CTNNA2: variants seen among roughly 807,000 people sequenced by gnomAD.
The protein encoded by CTNNA2 is catenin alpha-2.
A neutral mutation model predicts 101.0 loss-of-function variants in CTNNA2; 42 were observed. The observed-to-expected ratio is 0.42, with a 90% CI of 0.32 to 0.54. The LOEUF (loss-of-function observed/expected upper bound fraction) is 0.54. CTNNA2 is among the 20% of genes least tolerant of loss of function. CTNNA2 has a pLI of 0.14. For synonymous variants in CTNNA2, 450 were observed against 456.4 expected, an observed-to-expected ratio of 0.99 and a Z score of 0.18; for missense variants, 871 against 1,223.1, an observed-to-expected ratio of 0.71 and a Z score of 4.29.
At chr2:80,617,546 C>T (rs903349581) in intron 17 of CTNNA2, among the ~76,000 whole-genome samples, 1 of 151,642 alleles carries the variant, frequency 6.6e-6, no homozygotes, top group African/African-American at 2.4e-5. Context: ...GGCAAAACAC[C>T]CATCTTTTTA....
intron 7 of CTNNA2, among the ~76,000 whole-genome samples, chr2:79,972,949 G>A (rs1036683961): frequency 1.3e-5 from 2 of 152,210 alleles, no homozygotes; most frequent in East Asian, 3.9e-4. Flanking sequence ...AACGTGACAA[G>A]AGTTATGATG....
chr2:79,510,698 C>G (rs149046789), upstream of CTNNA2, among the ~76,000 whole-genome samples: 123 of 152,254 alleles, frequency 8.1e-4, 2 homozygotes, highest in East Asian at 0.018. Context: ...TGAGGGAGAC[C>G]AAGGGTCTGA....
intron 3 of CTNNA2, among the ~76,000 whole-genome samples, chr2:79,799,194 TA>T (rs1366866079): frequency 1.3e-5 from 2 of 151,784 alleles, no homozygotes; most frequent in Non-Finnish European, 2.9e-5. Context: ...TTTTTTTTTT[TA>T]ATCTCTGCCA....
Position 79,555,189 on chromosome 2 carries a change from T to G in CTNNA2, c.-6+41982T>G, listed in dbSNP as rs529062034. Among the ~76,000 whole-genome samples, 28 of 152,288 alleles carry G rather than the reference T, an allele frequency of 1.8e-4. 1 individual carries two copies. The South Asian group carries it at 4.1e-3, about 23-fold the overall frequency. ...AGGATTCCTAGGTGACAAAAAACTG[T>G]TCTATCACTTTTCTCTTTCTTGGCA... On this transcript the variant is annotated intron_variant, in intron 1 of 18. Coordinates refer to ENST00000402739, the MANE Select transcript of CTNNA2 (RefSeq NM_001282597.3).
chr2:79,755,844 G>A (rs1672362390), intron 3 of CTNNA2, among the ~76,000 whole-genome samples: 1 of 152,094 alleles, frequency 6.6e-6, no homozygotes. Flanking sequence ...AACATCAGAA[G>A]TTTAAAAAAT....
At chr2:80,459,251 C>T (rs1231402283) in intron 9 of CTNNA2, among the ~76,000 whole-genome samples, 1 of 152,066 alleles carries the variant, frequency 6.6e-6, no homozygotes, top group Non-Finnish European at 1.5e-5. Flanking sequence ...TTTAATTGGT[C>T]TGGGAGGAGT....
chr2:80,040,534 C>T (rs1289972199), intron 7 of CTNNA2, among the ~76,000 whole-genome samples: 1 of 152,136 alleles, frequency 6.6e-6, no homozygotes, highest in Non-Finnish European at 1.5e-5. Context: ...TTCACCTTCA[C>T]CATTATTCAA....
chr2:79,424,745 C>T (rs1277160363), intron 4 of CTNNA2, among the ~76,000 whole-genome samples: 1 of 152,048 alleles, frequency 6.6e-6, no homozygotes, highest in African/African-American at 2.4e-5. Context: ...GTTCTTTAAG[C>T]TTCTGATCCA....
chr2:79,873,973 T>A, intron 5 of CTNNA2, 103 bp from the exon 6 acceptor site: 1 of 1,496,776 alleles, frequency 6.7e-7, no homozygotes, highest in Non-Finnish European at 8.9e-7. Flanking sequence ...CAAGGGTTTC[T>A]GAAGTTCAGT....
chr2:79,721,620 T>A (rs192280837), intron 2 of CTNNA2, among the ~76,000 whole-genome samples: 1 of 152,328 alleles, frequency 6.6e-6, no homozygotes, highest in East Asian at 1.9e-4. Flanking sequence ...TGGTATTATC[T>A]ATGCACAAAC....
chr2:79,676,881 T>G (rs1198585504), intron 2 of CTNNA2, among the ~76,000 whole-genome samples: 1 of 152,138 alleles, frequency 6.6e-6, no homozygotes, highest in Non-Finnish European at 1.5e-5. Flanking sequence ...CCCTAGAGCT[T>G]TGCTTAGAAA....
At chr2:79,239,188 G>A (rs1674592948) in intron 2 of CTNNA2, among the ~76,000 whole-genome samples, 1 of 151,982 alleles carries the variant, frequency 6.6e-6, no homozygotes, top group South Asian at 2.1e-4. Flanking sequence ...GAAAGCTGGA[G>A]GCATCATGCT....
intron 4 of CTNNA2, among the ~76,000 whole-genome samples, chr2:79,502,061 CA>C (rs1671326287): frequency 6.6e-6 from 1 of 151,416 alleles, no homozygotes; most frequent in African/African-American, 2.4e-5. Context: ...CTATCCCCAC[CA>C]TGCTTCACTG....
At chr2:80,603,957 T>C (rs1697777433) in intron 15 of CTNNA2, 117 bp from the exon 16 acceptor site, 1 of 691,762 alleles carries the variant, frequency 1.4e-6, no homozygotes, top group Non-Finnish European at 2.3e-6. Flanking sequence ...AAAATTCGAC[T>C]AATGTGGCCA....
chr2:79,636,062 C>T (rs373855678), intron 1 of CTNNA2, among the ~76,000 whole-genome samples: 18 of 148,340 alleles, frequency 1.2e-4, no homozygotes, highest in African/African-American at 4.0e-4. Flanking sequence ...GAGATCTAGA[C>T]CATCCTGGCT....
chr2:79,750,589 G>A (rs1203139762), intron 3 of CTNNA2, among the ~76,000 whole-genome samples: 1 of 152,226 alleles, frequency 6.6e-6, no homozygotes, highest in South Asian at 2.1e-4. Context: ...AGGGCCGGGC[G>A]TGGCGACTTG....
At chr2:79,415,588 TCTTAAGGAATACTATGTGGGAAAATG>T (rs1340523904) in intron 4 of CTNNA2, among the ~76,000 whole-genome samples, 74 of 152,224 alleles carry the variant, frequency 4.9e-4, no homozygotes, top group African/African-American at 1.7e-3. Context: ...TTATTTAGTA[TCTTAAGGAATACTATGTGGGAAAATG>T]CTTAAGGAAT....
rs889792313 is a variant in CTNNA2, at chr2:80,300,003, C to T, written c.1057-93208C>T. Among the ~76,000 whole-genome samples, 70 of 151,996 alleles carry T rather than the reference C, an allele frequency of 4.6e-4. 1 individual carries two copies. Among genetic ancestry groups the T allele is most frequent in the Non-Finnish European group, 4.9e-4 (33 of 67,990 alleles). On this transcript the variant is annotated intron_variant, in intron 7 of 18. Coordinates refer to ENST00000402739, the MANE Select transcript of CTNNA2 (RefSeq NM_001282597.3). ...AGGTATGCCGTCTTCTAGAGGAGGTCGCTTTAGTAGGGTTTTAGGTAAGGC... is the reference window on the plus strand; with the variant it reads ...AGGTATGCCGTCTTCTAGAGGAGGTTGCTTTAGTAGGGTTTTAGGTAAGGC...
intron 7 of CTNNA2, among the ~76,000 whole-genome samples, chr2:80,089,158 C>T (rs1699629117): frequency 1.3e-5 from 2 of 151,944 alleles, no homozygotes; most frequent in African/African-American, 4.8e-5. Flanking sequence ...TTTTTCTGAA[C>T]CTAATTTTCC....
Sources: gnomAD v4.1 joint callset for allele counts (sites outside exome capture counted in the v4.1 genomes callset) on GRCh38, gnomAD v4.1.1 for gene constraint, MANE v1.5 for transcripts, NCBI Gene and HGNC (gene_info 2026-07-23, HGNC 2026-07-21) for gene names.